The following ERO1B variants were observed in gnomAD, a reference collection of about 807,000 sequenced individuals.
ERO1B encodes the protein ERO1-like protein beta.
A neutral mutation model predicts 75.3 loss-of-function variants in ERO1B; 49 were observed. The ratio of observed to expected loss-of-function variants is 0.65; its 90% CI spans 0.52 to 0.83. The LOEUF is 0.83. ERO1B is among the 40% of genes least tolerant of loss of function. The pLI, the probability that ERO1B is intolerant of heterozygous loss-of-function variation, is 0.00. For synonymous variants in ERO1B, 191 were observed against 192.9 expected (o/e 0.99, Z 0.08); for missense variants, 512 against 560.1 (o/e 0.91, Z 0.87).
At chr1:236,247,892 C>CA (rs201885882) in intron 5 of ERO1B, among the ~76,000 whole-genome samples, 4,293 of 151,254 alleles carry the variant, frequency 0.028, 209 homozygotes, top group African/African-American at 0.098. Context: ...CTCATGCCTT[C>CA]ACCTTCTTCG....
intron 9 of ERO1B, among the ~76,000 whole-genome samples, chr1:236,231,614 G>A (rs186735039): frequency 3.0e-4 from 45 of 150,676 alleles, no homozygotes; most frequent in Non-Finnish European, 4.9e-4. Flanking sequence ...CACTTCCTGC[G>A]TTACCTATCC....
chr1:236,224,110 C>T (rs140229527), intron 13 of ERO1B, among the ~76,000 whole-genome samples: 144 of 152,068 alleles, frequency 9.5e-4, no homozygotes, highest in African/African-American at 3.3e-3. Context: ...CAGTCAAATC[C>T]GTTAATGTTT....
chr1:236,237,397 G>A (rs1244923392), intron 6 of ERO1B, among the ~76,000 whole-genome samples: 1 of 152,110 alleles, frequency 6.6e-6, no homozygotes, highest in East Asian at 1.9e-4. Context: ...TTACAGGTGT[G>A]AGCCACTGTG....
chr1:236,226,777 T>C (rs750157841), intron 10 of ERO1B, 38 bp from the exon 11 acceptor site: 1 of 1,488,958 alleles, frequency 6.7e-7, no homozygotes, highest in Non-Finnish European at 9.2e-7. Context: ...TTACACCTAT[T>C]TAGATATCAG....
intron 9 of ERO1B, among the ~76,000 whole-genome samples, chr1:236,231,875 C>T (rs1664418088): frequency 6.6e-6 from 1 of 152,088 alleles, no homozygotes; most frequent in Non-Finnish European, 1.5e-5. Flanking sequence ...AAGTCTAGTA[C>T]CCAACGTACT....
At chr1:236,249,326 C>G (rs1664959698) in intron 5 of ERO1B, among the ~76,000 whole-genome samples, 1 of 151,866 alleles carries the variant, frequency 6.6e-6, no homozygotes, top group African/African-American at 2.4e-5. Context: ...ATGCCCGGCT[C>G]ATAAATACAA....
intron 8 of ERO1B, among the ~76,000 whole-genome samples, chr1:236,233,894 C>A (rs551681640): frequency 1.3e-5 from 2 of 152,232 alleles, no homozygotes; most frequent in South Asian, 4.2e-4. Flanking sequence ...GAGGAAGAGG[C>A]CAGAGGTTGG....
intron 5 of ERO1B, 66 bp downstream of exon 5, chr1:236,249,819 A>G: frequency 8.1e-7 from 1 of 1,233,964 alleles, no homozygotes; most frequent in South Asian, 1.5e-5. Context: ...TTTTACCAAA[A>G]TCATAAAAAA....
intron 1 of ERO1B, among the ~76,000 whole-genome samples, chr1:236,270,482 T>C (rs1248634365): frequency 6.6e-6 from 1 of 152,180 alleles, no homozygotes; most frequent in Non-Finnish European, 1.5e-5. Context: ...TCATATTACA[T>C]ATAAGGAAAT....
intron 5 of ERO1B, among the ~76,000 whole-genome samples, chr1:236,247,582 C>CT (rs1385202896): frequency 1.3e-5 from 2 of 152,124 alleles, no homozygotes; most frequent in Non-Finnish European, 1.5e-5. Flanking sequence ...ATCAGGCTCC[C>CT]TCAACACATG....
chr1:236,218,689 C>A (rs1749599), intron 15 of ERO1B, 113 bp from the exon 16 acceptor site: 328,917 of 905,926 alleles, frequency 0.36, 63,987 homozygotes, highest in East Asian at 0.85. Flanking sequence ...AATAAAAAAC[C>A]TCAAACACTG....
At chr1:236,275,446 G>A (rs909225459) in intron 1 of ERO1B, among the ~76,000 whole-genome samples, 8 of 152,176 alleles carry the variant, frequency 5.3e-5, no homozygotes, top group African/African-American at 1.9e-4. Context: ...GAGATGCATT[G>A]GGCAAGCTAC....
chr1:236,249,971 C>CAA lies in ERO1B; in HGVS notation c.349-6_349-5dup. On this transcript the variant is annotated splice_polypyrimidine_tract_variant and splice_region_variant and intron_variant, in intron 4 of 15. Transcript: ENST00000354619. Reference sequence around the variant, plus strand: ...TATTGTTTGCCATTTTCAAGTACTGCAAAGAAGTTCGTAAGTTTAGTAAAA... The same window carrying CAA: ...TATTGTTTGCCATTTTCAAGTACTGCAAAAAGAAGTTCGTAAGTTTAGTAAAA... 1 of 1,582,328 alleles carries CAA rather than the reference C, an allele frequency of 6.3e-7. No individual in the cohort carries two copies. Among genetic ancestry groups the CAA allele is most frequent in the Non-Finnish European group, 8.6e-7 (1 of 1,165,458 alleles).
At chr1:236,274,411 T>A (rs1665665970) in intron 1 of ERO1B, among the ~76,000 whole-genome samples, 1 of 152,254 alleles carries the variant, frequency 6.6e-6, no homozygotes, top group Admixed American at 6.5e-5. Context: ...GACACATTTA[T>A]ATTTCTTCTT....
At chr1:236,258,506 A>G (rs191850450) in intron 2 of ERO1B, among the ~76,000 whole-genome samples, 1 of 152,336 alleles carries the variant, frequency 6.6e-6, no homozygotes, top group East Asian at 1.9e-4. Context: ...ACGTAAGGAA[A>G]TTTATCACCA....
intron 2 of ERO1B, among the ~76,000 whole-genome samples, chr1:236,267,584 G>A (rs1665477943): frequency 6.6e-6 from 1 of 152,160 alleles, no homozygotes; most frequent in African/African-American, 2.4e-5. Context: ...GATGGTTTTT[G>A]ATACAAGAAA....
chr1:236,257,411 A>C (rs1368835704), intron 2 of ERO1B, among the ~76,000 whole-genome samples: 1 of 152,140 alleles, frequency 6.6e-6, no homozygotes, highest in Non-Finnish European at 1.5e-5. Flanking sequence ...CAGCCTTTCC[A>C]GCAACTCCCT....
At chr1:236,278,315 A>C (rs1665752264) in intron 1 of ERO1B, among the ~76,000 whole-genome samples, 1 of 151,754 alleles carries the variant, frequency 6.6e-6, no homozygotes, top group Admixed American at 6.6e-5. Context: ...TATTCCCTTT[A>C]CTTAGAATGG....
At chr1:236,249,369 G>A (rs55867928) in intron 5 of ERO1B, among the ~76,000 whole-genome samples, 24,219 of 152,036 alleles carry the variant, frequency 0.16, 2,095 homozygotes, top group African/African-American at 0.22. Flanking sequence ...AGGAATTTCT[G>A]AAATATCTCA....
Sources: gnomAD v4.1 joint callset for allele counts (sites outside exome capture counted in the v4.1 genomes callset) on GRCh38, gnomAD v4.1.1 for gene constraint, MANE v1.5 for transcripts, NCBI Gene and HGNC (gene_info 2026-07-23, HGNC 2026-07-21) for gene names.